UPF2: variants seen among roughly 807,000 people sequenced by gnomAD.
UPF2 encodes regulator of nonsense transcripts 2.
Under a neutral mutation model 141.4 loss-of-function variants are expected in UPF2, and 17 were observed. The observed-to-expected ratio is 0.12, with a 90% CI of 0.08 to 0.18. The LOEUF is 0.18. UPF2 is among the 10% of genes least tolerant of loss of function. UPF2 has a pLI of 1.00. For missense variants in UPF2, 1,152 were observed against 1,515.9 expected, an observed-to-expected ratio of 0.76 and a Z score of 3.99; for synonymous variants, 540 against 498.0, an observed-to-expected ratio of 1.08 and a Z score of -1.12.
chr10:11,990,909 A>C (rs1833768341), intron 8 of UPF2, among the ~76,000 whole-genome samples: 1 of 150,378 alleles, frequency 6.6e-6, no homozygotes, highest in African/African-American at 2.5e-5. Context: ...AATGGTGTGA[A>C]CCCAGGAGGC....
At chr10:11,948,786 G>C (rs1193286304) in intron 15 of UPF2, among the ~76,000 whole-genome samples, 1 of 152,152 alleles carries the variant, frequency 6.6e-6, no homozygotes, top group Admixed American at 6.5e-5. Flanking sequence ...TAAATACTTG[G>C]ATAATCTTGT....
chr10:11,955,652 T>C (rs1833137105), intron 13 of UPF2, 145 bp from the exon 14 acceptor site: 2 of 798,464 alleles, frequency 2.5e-6, no homozygotes, highest in Admixed American at 3.1e-5. Flanking sequence ...ATAAACTGGT[T>C]ACTTCTAGGT....
intron 14 of UPF2, 99 bp downstream of exon 14, chr10:11,955,133 T>TAA: frequency 1.8e-6 from 2 of 1,120,682 alleles, no homozygotes; most frequent in East Asian, 2.8e-5. Flanking sequence ...AACATATATA[T>TAA]AATATATGAA....
Position 11,920,056 on chromosome 10 carries a change from GT to G in UPF2, c.*1241del. On this transcript the variant is annotated 3_prime_UTR_variant, in exon 22 of 22. Transcript: ENST00000357604. ...ACACTTTATTGCAGCATCGGCAAAG[GT>G]CAGATTTCTGAAGCTGGTGAAGATT... The G allele has an allele frequency of 6.6e-6, 1 of 152,342 alleles. No individual in the cohort carries two copies. Among genetic ancestry groups the G allele is most frequent in the East Asian group, 1.9e-4 (1 of 5,196 alleles). 9.4% of individuals were successfully genotyped at this position (152,342 alleles called of 1,614,324 possible). A position where few individuals can be genotyped will look rare whatever the true frequency, so the allele number is the denominator to read the frequency against.
chr10:12,008,046 CT>C (rs974234507), intron 4 of UPF2, among the ~76,000 whole-genome samples: 15 of 151,884 alleles, frequency 9.9e-5, no homozygotes, highest in African/African-American at 2.4e-4. Flanking sequence ...CAATACCCAG[CT>C]AACTTTTGTA....
chr10:11,943,133 T>G lies in UPF2; in HGVS notation c.3210A>C (p.Glu1070Asp), dbSNP rs764410260. 2.5e-6 allele frequency: 4 copies of G among 1,611,738 alleles called. No homozygotes were observed. The highest frequency in any genetic ancestry group is 2.5e-6 in the Non-Finnish European group (3 of 1,179,244). ...GGTAATCTGTATTCTCTTCCTCCTC[T>G]TCTTCTCCCTCATCATCATCATTAT... is the stretch of plus-strand genomic sequence containing the variant. Reference protein sequence around the residue: ...GSDNDDDEGEEEEEENTDYLT... With the variant: ...GSDNDDDEGEDEEEENTDYLT... The change falls in exon 17 of 22, where the codon GAA (glutamate) becomes GAC (aspartate). Residue 1070 changes from glutamate to aspartate, a missense_variant. Coordinates refer to ENST00000357604, the MANE Select transcript of UPF2 (RefSeq NM_015542.4).
At chr10:11,977,205 G>T (rs148840224) in intron 9 of UPF2, among the ~76,000 whole-genome samples, 2 of 152,118 alleles carry the variant, frequency 1.3e-5, no homozygotes, top group South Asian at 2.1e-4. Flanking sequence ...TAGTTGCAGC[G>T]GGGGGAGGGC....
intron 6 of UPF2, 96 bp from the exon 7 acceptor site, chr10:12,000,105 A>G: frequency 9.4e-7 from 1 of 1,065,662 alleles, no homozygotes; most frequent in Non-Finnish European, 1.4e-6. Flanking sequence ...GATAATCTAG[A>G]CCAATTTTTG....
At chr10:11,926,567 A>T (rs892119451) in intron 21 of UPF2, among the ~76,000 whole-genome samples, 2 of 152,242 alleles carry the variant, frequency 1.3e-5, no homozygotes, top group Non-Finnish European at 2.9e-5. Flanking sequence ...CACAGATGCC[A>T]AGGAAGGGTC....
At chr10:12,030,077 G>A (rs1834491765) in intron 2 of UPF2, among the ~76,000 whole-genome samples, 1 of 151,930 alleles carries the variant, frequency 6.6e-6, no homozygotes, top group South Asian at 2.1e-4. Flanking sequence ...ATAGAGCAGA[G>A]GATACTGACA....
chr10:12,016,046 A>T lies in UPF2; in HGVS notation c.1146-1862T>A, dbSNP rs556017661. Among the ~76,000 whole-genome samples, 1 of 152,122 alleles carries T rather than the reference A, an allele frequency of 6.6e-6. No homozygotes were observed. Among genetic ancestry groups the T allele is most frequent in the South Asian group, 2.1e-4 (1 of 4,816 alleles). On this transcript the variant is annotated intron_variant, in intron 3 of 21. Transcript: ENST00000357604. This position sits in a 1 kb window ranked among gnomAD's most constrained non-coding sequence, Gnocchi z 4.1. ...GACTACTGTTACAAACACAAACAAA[A>T]TTTTTTCAGTAATTTTGTGAATGAA...
chr10:12,018,595 A>C (rs776236760), intron 3 of UPF2, among the ~76,000 whole-genome samples: 3 of 151,844 alleles, frequency 2.0e-5, no homozygotes, highest in Non-Finnish European at 4.4e-5. Context: ...ACAAAAAAAA[A>C]ACAAAAATTA....
intron 1 of UPF2, among the ~76,000 whole-genome samples, chr10:12,040,775 T>C (rs973386949): frequency 2.0e-5 from 3 of 152,230 alleles, no homozygotes; most frequent in African/African-American, 4.8e-5. Context: ...ATCAATAAGA[T>C]GGATATACTG....
intron 19 of UPF2, among the ~76,000 whole-genome samples, chr10:11,932,529 CA>C (rs1455201935): frequency 1.3e-5 from 2 of 151,862 alleles, no homozygotes; most frequent in Admixed American, 6.6e-5. Context: ...ACAAGTTTTA[CA>C]AAAGGCAAAG....
chr10:11,952,308 A>G, intron 14 of UPF2, 59 bp from the exon 15 acceptor site: 1 of 1,404,794 alleles, frequency 7.1e-7, no homozygotes, highest in Non-Finnish European at 9.5e-7. Context: ...ATATTTTAAA[A>G]TAATAAACTA....
At chr10:11,987,761 C>CAAAAAAAA (rs572687103) in intron 8 of UPF2, among the ~76,000 whole-genome samples, 4 of 54,144 alleles carry the variant, frequency 7.4e-5, no homozygotes, top group African/African-American at 1.6e-4. Flanking sequence ...GACTCTGCCT[C>CAAAAAAAA]AAAAAAAAAA....
In UPF2 at chr10:11,931,569, T is replaced by A; in HGVS notation, c.3688+72A>T. Reference sequence around the variant, plus strand: ...TATGGAAAAATATGACATGAGAAGATGAGACAAAATAACAATTTTGATGCT... The same window carrying A: ...TATGGAAAAATATGACATGAGAAGAAGAGACAAAATAACAATTTTGATGCT... On this transcript the variant is annotated intron_variant, in intron 20 of 21. Transcript: ENST00000357604. The surrounding 1 kb of genome is among the most constrained non-coding windows in gnomAD (Gnocchi z 5.9). 1 of 1,450,898 alleles carries A rather than the reference T, an allele frequency of 6.9e-7. No individual in the cohort carries two copies. Among genetic ancestry groups the A allele is most frequent in the African/African-American group, 1.4e-5 (1 of 70,102 alleles). 89.9% of individuals were successfully genotyped at this position (1,450,898 alleles called of 1,614,324 possible). A position where few individuals can be genotyped will look rare whatever the true frequency, so the allele number is the denominator to read the frequency against.
At chr10:11,990,078 A>T (rs1301257299) in intron 8 of UPF2, among the ~76,000 whole-genome samples, 2 of 152,266 alleles carry the variant, frequency 1.3e-5, no homozygotes, top group African/African-American at 4.8e-5. Context: ...TCGAAAAAAA[A>T]GTCTGGCTGA....
In UPF2 at chr10:12,004,672, C is replaced by A; in HGVS notation, c.1362G>T (p.Leu454Phe). Residue 454 changes from leucine (L) to phenylalanine (F), a missense_variant, in exon 5 of 22, where the codon TTG (leucine) becomes TTT (phenylalanine). Leu to Phe is a conservative substitution (Grantham distance 22). Coordinates refer to ENST00000357604, the MANE Select transcript of UPF2 (RefSeq NM_015542.4). ...FTPGKPGEYD[L>F]EGGIWEDEDA... is the part of the protein sequence containing the mutation. ...CTTCATCTTCCCATATACCACCTTCCAAGTCATATTCTCCAGGTTTACCAG... is the reference window on the plus strand; with the variant it reads ...CTTCATCTTCCCATATACCACCTTCAAAGTCATATTCTCCAGGTTTACCAG... 1 of 1,613,818 alleles carries A rather than the reference C, an allele frequency of 6.2e-7. No homozygotes were observed. Among genetic ancestry groups the A allele is most frequent in the Non-Finnish European group, 8.5e-7 (1 of 1,179,888 alleles).
Sources: gnomAD v4.1 joint callset for allele counts (sites outside exome capture counted in the v4.1 genomes callset) on GRCh38, gnomAD v4.1.1 for gene constraint, Gnocchi (gnomAD v3.1) non-coding constraint, MANE v1.5 for transcripts, NCBI Gene and HGNC (gene_info 2026-07-23, HGNC 2026-07-21) for gene names.